Variants in COL19A1 observed in about 807,000 individuals in gnomAD.
The protein encoded by COL19A1 is collagen alpha-1(XIX) chain.
A neutral mutation model predicts 190.2 loss-of-function variants in COL19A1; 159 were observed. That is an observed-to-expected ratio of 0.84 (90% CI 0.73 to 0.95). The LOEUF is 0.95. COL19A1 is among the 40% of genes least tolerant of loss of function. COL19A1 has a pLI of 0.00. For missense variants in COL19A1, 1,418 were observed against 1,431.9 expected, an observed-to-expected ratio of 0.99 and a Z score of 0.16; for synonymous variants, 509 against 458.9, an observed-to-expected ratio of 1.11 and a Z score of -1.39.
At chr6:70,174,905 C>G (rs910847786) in intron 41 of COL19A1, among the ~76,000 whole-genome samples, 1 of 152,098 alleles carries the variant, frequency 6.6e-6, no homozygotes, top group Non-Finnish European at 1.5e-5. Flanking sequence ...AAAGTTGGAA[C>G]GCATGAAATT....
intron 40 of COL19A1, among the ~76,000 whole-genome samples, chr6:70,170,142 T>G (rs1056957790): frequency 6.6e-6 from 1 of 152,062 alleles, no homozygotes; most frequent in Non-Finnish European, 1.5e-5. Context: ...AACAGAAAAA[T>G]GCAATCATGA....
At position 70,176,572 on chromosome 6, in the gene COL19A1, C is replaced by A; in HGVS notation, c.2667+8C>A. 1 of 1,612,454 alleles carries A rather than the reference C, an allele frequency of 6.2e-7. No homozygotes were observed. The highest frequency in any genetic ancestry group is 8.5e-7 in the Non-Finnish European group (1 of 1,179,306). Reference sequence around the variant, plus strand: ...GGAATAGCAGGGATGTCGGTGAGTTCAGATTACTTCACATCATTTTCACAG... The same window carrying A: ...GGAATAGCAGGGATGTCGGTGAGTTAAGATTACTTCACATCATTTTCACAG... On this transcript the variant is annotated splice_region_variant and intron_variant, in intron 42 of 50. Coordinates refer to ENST00000620364, the MANE Select transcript of COL19A1 (RefSeq NM_001858.6).
At chr6:69,900,120 C>G (rs1245914683) in intron 3 of COL19A1, 119 bp from the exon 4 acceptor site, 4 of 513,856 alleles carry the variant, frequency 7.8e-6, no homozygotes, top group Middle Eastern at 5.2e-4. Flanking sequence ...TTGCTGATCC[C>G]AAGCAGCAAG....
At chr6:70,170,727 A>G (rs916609927) in intron 40 of COL19A1, among the ~76,000 whole-genome samples, 2 of 152,094 alleles carry the variant, frequency 1.3e-5, no homozygotes, top group South Asian at 2.1e-4. Flanking sequence ...GTCAAGTTAC[A>G]TATTAGGGGA....
Position 70,071,652 on chromosome 6 carries a change from A to G in COL19A1, c.1224+3176A>G, listed in dbSNP as rs1423659744. On this transcript the variant is annotated intron_variant, in intron 15 of 50. Coordinates refer to ENST00000620364, the MANE Select transcript of COL19A1 (RefSeq NM_001858.6). Reference sequence around the variant, plus strand: ...TTAGTCTTACATCCTTTATGGATTCACACAGTTTTTAGAATTCAATGAATG... The same window carrying G: ...TTAGTCTTACATCCTTTATGGATTCGCACAGTTTTTAGAATTCAATGAATG... Among the ~76,000 whole-genome samples the G allele has an allele frequency of 3.3e-5, 5 of 152,074 alleles. No individual in the cohort carries two copies. The East Asian group carries it at 9.6e-4, about 29-fold the overall frequency.
At chr6:70,159,472 A>G (rs886803353) in intron 34 of COL19A1, among the ~76,000 whole-genome samples, 1 of 151,958 alleles carries the variant, frequency 6.6e-6, no homozygotes, top group Non-Finnish European at 1.5e-5. Context: ...TAAAATTTTG[A>G]AGAAAAATAT....
chr6:70,119,339 A>T (rs1452034625), intron 16 of COL19A1, among the ~76,000 whole-genome samples: 1 of 152,178 alleles, frequency 6.6e-6, no homozygotes, highest in African/African-American at 2.4e-5. Context: ...GCCTCTCTCA[A>T]CTACACGGTA....
intron 16 of COL19A1, among the ~76,000 whole-genome samples, chr6:70,119,412 C>G (rs555368066): frequency 6.6e-6 from 1 of 152,304 alleles, no homozygotes; most frequent in East Asian, 1.9e-4. Context: ...TGTGAAGTAC[C>G]TGGCAGAAGT....
At chr6:70,030,143 A>C (rs1330996808) in intron 12 of COL19A1, among the ~76,000 whole-genome samples, 2 of 152,132 alleles carry the variant, frequency 1.3e-5, no homozygotes, top group African/African-American at 2.4e-5. Context: ...GATAATACTC[A>C]ATATTCACAT....
intron 15 of COL19A1, among the ~76,000 whole-genome samples, chr6:70,076,013 AC>A (rs779529369): frequency 2.0e-5 from 3 of 152,196 alleles, no homozygotes; most frequent in Non-Finnish European, 4.4e-5. Flanking sequence ...ATGTGAATAG[AC>A]CCAAGAGCTG....
intron 2 of COL19A1, among the ~76,000 whole-genome samples, chr6:69,896,453 C>T (rs931846226): frequency 1.4e-5 from 2 of 144,624 alleles, no homozygotes; most frequent in African/African-American, 2.5e-5. Flanking sequence ...AGGAGAATGG[C>T]GTGAACCCGG....
At chr6:70,144,330 G>C in intron 24 of COL19A1, 67 bp downstream of exon 24, 1 of 1,377,076 alleles carries the variant, frequency 7.3e-7, no homozygotes, top group South Asian at 1.2e-5. Flanking sequence ...GGATCATAAG[G>C]GAGATGAAAG....
At chr6:70,121,324 G>A (rs558035813) in intron 16 of COL19A1, among the ~76,000 whole-genome samples, 3 of 152,194 alleles carry the variant, frequency 2.0e-5, no homozygotes, top group African/African-American at 7.2e-5. Flanking sequence ...TTATTTCCAG[G>A]TCAACTGAAA....
chr6:69,947,584 T>G (rs541860798), intron 9 of COL19A1, among the ~76,000 whole-genome samples: 3 of 151,994 alleles, frequency 2.0e-5, no homozygotes, highest in Non-Finnish European at 4.4e-5. Flanking sequence ...ATATGCTTAG[T>G]ATAAGTTTTT....
chr6:70,009,957 A>G, intron 11 of COL19A1, among the ~76,000 whole-genome samples: 1 of 152,334 alleles, frequency 6.6e-6, no homozygotes, highest in East Asian at 1.9e-4. Context: ...AATAGGTAAT[A>G]GAAATAAATG....
intron 11 of COL19A1, among the ~76,000 whole-genome samples, chr6:69,964,447 T>C (rs1774978147): frequency 6.6e-6 from 1 of 152,214 alleles, no homozygotes; most frequent in Non-Finnish European, 1.5e-5. Flanking sequence ...ATTTTACCTG[T>C]AGGAATAAGT....
intron 42 of COL19A1, 92 bp from the exon 43 acceptor site, chr6:70,180,220 A>G (rs1766082487): frequency 7.1e-7 from 1 of 1,412,484 alleles, no homozygotes; most frequent in African/African-American, 1.4e-5. Flanking sequence ...CCTTGGGAGC[A>G]CTATAAACTC....
chr6:70,098,636 T>C (rs976098011), intron 15 of COL19A1: 6 of 349,456 alleles, frequency 1.7e-5, no homozygotes, highest in Non-Finnish European at 3.3e-5. Context: ...GCACAATGTG[T>C]GCGTCTTACT....
At chr6:70,109,560 GT>G (rs1784169625) in intron 16 of COL19A1, among the ~76,000 whole-genome samples, 3 of 151,454 alleles carry the variant, frequency 2.0e-5, no homozygotes, top group Admixed American at 2.0e-4. Flanking sequence ...GTGTGTGTGT[GT>G]GTGTGTGTGT....
Sources: gnomAD v4.1 joint callset for allele counts (sites outside exome capture counted in the v4.1 genomes callset) on GRCh38, gnomAD v4.1.1 for gene constraint, MANE v1.5 for transcripts, NCBI Gene and HGNC (gene_info 2026-07-23, HGNC 2026-07-21) for gene names.